The following NAV2 variants were observed in gnomAD, a reference collection of about 807,000 sequenced individuals.
NAV2 encodes neuron navigator 2, also known as helicase, APC down-regulated 1.
Under a neutral mutation model 223.2 loss-of-function variants are expected in NAV2, and 54 were observed. The ratio of observed to expected loss-of-function variants is 0.24; its 90% CI spans 0.19 to 0.30. The LOEUF is 0.30. Ranked by LOEUF, NAV2 falls within the 10% of genes least tolerant of loss-of-function variation. NAV2 has a pLI of 1.00. For missense variants in NAV2, 2,806 were observed against 3,147.5 expected (o/e 0.89, Z 2.60); for synonymous variants, 1,279 against 1,239.3 (o/e 1.03, Z -0.67).
chr11:19,881,783 A>G (rs974803208), intron 5 of NAV2, among the ~76,000 whole-genome samples: 1 of 152,110 alleles, frequency 6.6e-6, no homozygotes, highest in African/African-American at 2.4e-5. Context: ...TAATAAGATG[A>G]TGGGATTCAG....
chr11:19,485,585 A>C (rs1320259734), intron 1 of NAV2, among the ~76,000 whole-genome samples: 3 of 152,202 alleles, frequency 2.0e-5, no homozygotes, highest in Non-Finnish European at 4.4e-5. Context: ...GTGAATATTT[A>C]AATATGGCAC....
intron 1 of NAV2, among the ~76,000 whole-genome samples, chr11:19,512,860 G>A (rs568497125): frequency 1.2e-4 from 18 of 152,304 alleles, no homozygotes; most frequent in South Asian, 8.3e-4. Context: ...GAATATTTGT[G>A]CTGTGACACT....
intron 1 of NAV2, among the ~76,000 whole-genome samples, chr11:19,815,621 G>A (rs1007833271): frequency 3.3e-5 from 5 of 152,118 alleles, no homozygotes; most frequent in African/African-American, 9.7e-5. Context: ...CTTCTTCATC[G>A]TGGTCATCTG....
chr11:19,411,187 C>T (rs1027122431), intron 1 of NAV2, among the ~76,000 whole-genome samples: 2 of 152,142 alleles, frequency 1.3e-5, no homozygotes, highest in African/African-American at 2.4e-5. Context: ...GCAACAAGGT[C>T]CCAGGTGATG....
At chr11:19,832,015 A>G (rs748660659) in intron 1 of NAV2, among the ~76,000 whole-genome samples, 3 of 152,206 alleles carry the variant, frequency 2.0e-5, no homozygotes, top group Non-Finnish European at 4.4e-5. Context: ...GGCTCCTGAG[A>G]ACTCAGAATA....
At chr11:19,537,216 TA>T (rs1246969800) in intron 1 of NAV2, among the ~76,000 whole-genome samples, 1 of 152,124 alleles carries the variant, frequency 6.6e-6, no homozygotes, top group African/African-American at 2.4e-5. Flanking sequence ...TTTAATTGTA[TA>T]ATAATAATAA....
chr11:19,403,951 T>C (rs1564909973), intron 1 of NAV2, among the ~76,000 whole-genome samples: 1 of 151,010 alleles, frequency 6.6e-6, no homozygotes, highest in Non-Finnish European at 1.5e-5. Context: ...GGGACCATGG[T>C]CCATATAGAG....
chr11:19,930,303 G>A (rs893449374), intron 6 of NAV2, among the ~76,000 whole-genome samples: 32 of 152,088 alleles, frequency 2.1e-4, no homozygotes, highest in Non-Finnish European at 3.4e-4. Flanking sequence ...TTCTAGCTGC[G>A]ATTGTTAGTG....
chr11:19,827,358 A>G (rs2059693334), intron 1 of NAV2, among the ~76,000 whole-genome samples: 1 of 152,206 alleles, frequency 6.6e-6, no homozygotes, highest in South Asian at 2.1e-4. Flanking sequence ...ACCAGAGACC[A>G]TAAATGGATG....
chr11:19,826,598 T>C (rs1455875204), intron 1 of NAV2, among the ~76,000 whole-genome samples: 2 of 152,178 alleles, frequency 1.3e-5, no homozygotes, highest in Non-Finnish European at 2.9e-5. Context: ...CCATGAACAC[T>C]GACTTAAAAA....
Position 19,620,144 on chromosome 11 carries a change from G to A in NAV2, c.76-212340G>A, listed in dbSNP as rs567062011. The stretch of plus-strand genomic sequence containing the variant: ...ATCTCTGTTTTGGTACCAGTACCAT[G>A]CTGTTTTGGTTACTGTAGCCTTGTA... On this transcript the variant is annotated intron_variant, in intron 1 of 37. Transcript: ENST00000360655. Among the ~76,000 whole-genome samples the A allele has an allele frequency of 1.4e-4, 21 of 152,284 alleles. No homozygotes were observed. In the East Asian group the frequency reaches 3.9e-3, roughly 28 times the overall value.
intron 5 of NAV2, among the ~76,000 whole-genome samples, chr11:19,882,735 G>C (rs2063293748): frequency 6.6e-6 from 1 of 152,160 alleles, no homozygotes; most frequent in African/African-American, 2.4e-5. Flanking sequence ...ACTTGAGTCA[G>C]GTTTTTACAT....
At chr11:19,522,680 C>G (rs2043704247) in intron 1 of NAV2, among the ~76,000 whole-genome samples, 1 of 152,214 alleles carries the variant, frequency 6.6e-6, no homozygotes, top group Non-Finnish European at 1.5e-5. Context: ...GCATGCCTTT[C>G]TTCACTGTGA....
chr11:19,941,539 A>T (rs1208330597), intron 8 of NAV2, among the ~76,000 whole-genome samples: 1 of 152,202 alleles, frequency 6.6e-6, no homozygotes, highest in African/African-American at 2.4e-5. Context: ...GGACATTTAC[A>T]TAACTATTTG....
intron 11 of NAV2, among the ~76,000 whole-genome samples, chr11:19,989,869 C>T (rs929557209): frequency 1.3e-5 from 2 of 152,104 alleles, no homozygotes; most frequent in African/African-American, 4.8e-5. Context: ...CTCCGGTCGC[C>T]TAACATACTG....
At chr11:19,826,088 T>TA (rs1271203212) in intron 1 of NAV2, among the ~76,000 whole-genome samples, 2 of 152,200 alleles carry the variant, frequency 1.3e-5, no homozygotes, top group African/African-American at 4.8e-5. Context: ...TCTTGGGTAC[T>TA]AGTGTCAAAG....
chr11:19,690,739 AC>A (rs1267234379), intron 1 of NAV2, among the ~76,000 whole-genome samples: 2 of 152,108 alleles, frequency 1.3e-5, no homozygotes, highest in East Asian at 3.9e-4. Flanking sequence ...TTTTAGTCCT[AC>A]CAGCTGGTGC....
chr11:19,740,628 G>C (rs2052719907), intron 1 of NAV2, among the ~76,000 whole-genome samples: 1 of 152,168 alleles, frequency 6.6e-6, no homozygotes, highest in African/African-American at 2.4e-5. Context: ...GAGATTTACT[G>C]ATATTTTGCA....
chr11:19,956,005 C>T (rs553929371), intron 10 of NAV2, among the ~76,000 whole-genome samples: 1 of 152,238 alleles, frequency 6.6e-6, no homozygotes, highest in Admixed American at 6.5e-5. Context: ...TTTCTCTAGG[C>T]CGATCCCACT....
Sources: gnomAD v4.1 joint callset for allele counts (sites outside exome capture counted in the v4.1 genomes callset) on GRCh38, gnomAD v4.1.1 for gene constraint, MANE v1.5 for transcripts, NCBI Gene and HGNC (gene_info 2026-07-23, HGNC 2026-07-21) for gene names.